PCSK5: variants seen among roughly 807,000 people sequenced by gnomAD.
The protein encoded by PCSK5 is prohormone convertase 5.
In PCSK5, 129 loss-of-function variants were observed where a neutral mutation model predicts 233.2. The ratio of observed to expected loss-of-function variants is 0.55; its 90% CI spans 0.48 to 0.64. The LOEUF (loss-of-function observed/expected upper bound fraction) is 0.64. PCSK5 is among the 30% of genes least tolerant of loss of function. The pLI, the probability that PCSK5 is intolerant of heterozygous loss-of-function variation, is 0.00. For synonymous variants in PCSK5, 825 were observed against 879.2 expected, an observed-to-expected ratio of 0.94 and a Z score of 1.09; for missense variants, 2,076 against 2,430.1, an observed-to-expected ratio of 0.85 and a Z score of 3.06.
intron 8 of PCSK5, among the ~76,000 whole-genome samples, chr9:76,102,967 T>C (rs971487035): frequency 3.9e-5 from 6 of 152,236 alleles, no homozygotes; most frequent in African/African-American, 1.2e-4. Context: ...TCTTTAGTGA[T>C]AGTAACCCTC....
chr9:75,998,697 T>A (rs553158443), intron 3 of PCSK5, among the ~76,000 whole-genome samples: 2 of 152,262 alleles, frequency 1.3e-5, no homozygotes, highest in Middle Eastern at 3.4e-3. Flanking sequence ...TTTGGAAAAT[T>A]TAAAAGCAAA....
chr9:76,045,864 T>G (rs946047108), intron 5 of PCSK5, among the ~76,000 whole-genome samples: 1 of 152,098 alleles, frequency 6.6e-6, no homozygotes, highest in Non-Finnish European at 1.5e-5. Context: ...TGATAAAGGG[T>G]GTGGCGGGAG....
At chr9:76,032,110 T>A (rs1828675267) in intron 5 of PCSK5, among the ~76,000 whole-genome samples, 1 of 152,168 alleles carries the variant, frequency 6.6e-6, no homozygotes, top group East Asian at 1.9e-4. Context: ...TTGAATTTGA[T>A]ATAAAATAGT....
intron 20 of PCSK5, among the ~76,000 whole-genome samples, chr9:76,227,027 C>A (rs1825917405): frequency 6.6e-6 from 1 of 152,122 alleles, no homozygotes; most frequent in Non-Finnish European, 1.5e-5. Context: ...GACTCAGCAC[C>A]CATTCTTGAC....
chr9:75,999,154 G>T (rs549045713), intron 3 of PCSK5, among the ~76,000 whole-genome samples: 1 of 152,192 alleles, frequency 6.6e-6, no homozygotes, highest in Non-Finnish European at 1.5e-5. Context: ...GTGGTTTGCT[G>T]CACCCATCAA....
intron 14 of PCSK5, chr9:76,175,362 C>A: frequency 1.9e-6 from 1 of 517,060 alleles, no homozygotes; most frequent in Non-Finnish European, 3.4e-6. Context: ...CATATTCTGA[C>A]ATATTTTCTT....
chr9:76,081,882 G>A (rs1405629032), intron 7 of PCSK5, among the ~76,000 whole-genome samples: 2 of 151,898 alleles, frequency 1.3e-5, no homozygotes, highest in African/African-American at 2.4e-5. Context: ...AAATCCATCT[G>A]CCTTCTTGTC....
intron 35 of PCSK5, among the ~76,000 whole-genome samples, chr9:76,340,166 T>A (rs1015005335): frequency 3.9e-5 from 6 of 152,242 alleles, no homozygotes; most frequent in Middle Eastern, 6.8e-3. Flanking sequence ...AACAAGTCCA[T>A]CCCTCCTACT....
chr9:76,192,017 TGCAGAGA>T (rs1824409565), intron 20 of PCSK5, among the ~76,000 whole-genome samples: 5 of 136,512 alleles, frequency 3.7e-5, no homozygotes, highest in African/African-American at 8.6e-5. Context: ...AGGTGGAGGT[TGCAGAGA>T]GCAGAGATCG....
intron 2 of PCSK5, among the ~76,000 whole-genome samples, chr9:75,932,870 G>T (rs1036477635): frequency 5.9e-5 from 9 of 152,120 alleles, no homozygotes; most frequent in Admixed American, 5.9e-4. Context: ...GTTTCTTCCA[G>T]AACCCTTAGG....
intron 24 of PCSK5, among the ~76,000 whole-genome samples, chr9:76,260,981 C>T (rs910605363): frequency 6.6e-6 from 1 of 152,112 alleles, no homozygotes; most frequent in Non-Finnish European, 1.5e-5. Context: ...TGATGCTGAG[C>T]TTTGAATTCT....
intron 33 of PCSK5, 144 bp downstream of exon 33, chr9:76,328,383 T>C: frequency 1.5e-6 from 1 of 657,132 alleles, no homozygotes; most frequent in Non-Finnish European, 2.7e-6. Flanking sequence ...GCAGAAAAGA[T>C]GCAAGAGTAA....
chr9:76,300,962 C>T (rs1031996864), intron 27 of PCSK5, among the ~76,000 whole-genome samples: 11 of 152,098 alleles, frequency 7.2e-5, no homozygotes, highest in African/African-American at 2.2e-4. Context: ...AGCAGCATTC[C>T]CTGGGTCACA....
At chr9:76,345,748 C>T (rs1829963045) in intron 35 of PCSK5, among the ~76,000 whole-genome samples, 1 of 151,576 alleles carries the variant, frequency 6.6e-6, no homozygotes, top group Non-Finnish European at 1.5e-5. Context: ...GAGACAGAGT[C>T]TCGCTTTGTT....
chr9:76,040,168 A>G (rs1269193679), intron 5 of PCSK5, among the ~76,000 whole-genome samples: 1 of 152,182 alleles, frequency 6.6e-6, no homozygotes, highest in African/African-American at 2.4e-5. Context: ...GGTTGAGGAC[A>G]AAGACTGCTC....
chr9:76,225,118 G>A (rs1030826681), intron 20 of PCSK5, among the ~76,000 whole-genome samples: 1 of 152,164 alleles, frequency 6.6e-6, no homozygotes, highest in African/African-American at 2.4e-5. Context: ...AGAGTCCTGT[G>A]TACACCCTTG....
At chr9:76,260,520 C>A (rs1419436343) in intron 24 of PCSK5, among the ~76,000 whole-genome samples, 2 of 152,134 alleles carry the variant, frequency 1.3e-5, no homozygotes, top group Non-Finnish European at 2.9e-5. Flanking sequence ...AGAAGAGATG[C>A]CCCAAGCCAA....
chr9:76,212,614 T>C (rs1825374282), intron 20 of PCSK5, among the ~76,000 whole-genome samples: 1 of 152,206 alleles, frequency 6.6e-6, no homozygotes. Context: ...CTACCACCAT[T>C]TTCTTAACTC....
intron 5 of PCSK5, among the ~76,000 whole-genome samples, chr9:76,029,923 C>G (rs1374898607): frequency 6.6e-6 from 1 of 152,178 alleles, no homozygotes; most frequent in African/African-American, 2.4e-5. Context: ...CAACTGTGTC[C>G]TGTTCAAAAG....
Sources: gnomAD v4.1 joint callset for allele counts (sites outside exome capture counted in the v4.1 genomes callset) on GRCh38, gnomAD v4.1.1 for gene constraint, MANE v1.5 for transcripts, NCBI Gene and HGNC (gene_info 2026-07-23, HGNC 2026-07-21) for gene names.